QARS1: variants seen among roughly 807,000 people sequenced by gnomAD.
The protein encoded by QARS1 is glutamine--tRNA ligase.
Under a neutral mutation model 106.9 loss-of-function variants are expected in QARS1, and 79 were observed. The ratio of observed to expected loss-of-function variants is 0.74; its 90% CI spans 0.62 to 0.89. The LOEUF (loss-of-function observed/expected upper bound fraction) is 0.89. QARS1 is among the 40% of genes least tolerant of loss of function. The pLI is 0.00. For synonymous variants in QARS1, 395 were observed against 367.7 expected (o/e 1.07, Z -0.85); for missense variants, 966 against 997.2 (o/e 0.97, Z 0.42).
chr3:49,102,752 C>CTACCTCAGCCCTTCTGAG (rs368585761), intron 5 of QARS1: 1 of 502,464 alleles, frequency 2.0e-6, no homozygotes. Flanking sequence ...AGCGATTTTC[C>CTACCTCAGCCCTTCTGAG]TACCTCAGCC....
At chr3:49,096,569 G>C (rs1403506174) in intron 23 of QARS1, among the ~76,000 whole-genome samples, 1 of 151,738 alleles carries the variant, frequency 6.6e-6, no homozygotes, top group Admixed American at 6.6e-5. Flanking sequence ...GGAGGCCGAG[G>C]CAGGCGGATC....
rs1553751939 is a variant in QARS1, at chr3:49,100,184, C to G, written c.1164+6G>C. On this transcript the variant is annotated splice_donor_region_variant and intron_variant, in intron 13 of 23. Coordinates refer to ENST00000306125, the MANE Select transcript of QARS1 (RefSeq NM_005051.3). ...CCCAAACCCAGATGCTCCTCTAGGACCCCACCTCAAAGAGCAGCAGTGACT... is the reference window on the plus strand; with the variant it reads ...CCCAAACCCAGATGCTCCTCTAGGAGCCCACCTCAAAGAGCAGCAGTGACT... 2 of 1,614,074 alleles carry G rather than the reference C, an allele frequency of 1.2e-6. No homozygotes were observed.
At chr3:49,098,538 G>A in intron 20 of QARS1, 58 bp from the exon 21 acceptor site, 4 of 1,612,182 alleles carry the variant, frequency 2.5e-6, no homozygotes, top group Non-Finnish European at 3.4e-6. Context: ...CAGGACTGCA[G>A]GCTATACTCA....
In QARS1 at chr3:49,096,030, C is replaced by G. The variant is rs765329131; in HGVS notation, c.2327G>C (p.Ter776SerextTer25). The change falls in exon 24 of 24, where the codon TGA (stop) becomes TCA (serine). Residue 776 changes from the stop codon to serine (S), a stop_lost. Transcript: ENST00000306125. ...VTLKEDPGKV[*>S] Reference sequence around the variant, plus strand: ...TGAGGTAGGTTCAGTGCTTCCAGCTCACACCTTTCCTGGGTCTTCCTTCAG... The same window carrying G: ...TGAGGTAGGTTCAGTGCTTCCAGCTGACACCTTTCCTGGGTCTTCCTTCAG... The G allele has an allele frequency of 1.2e-6, 2 of 1,613,832 alleles. No homozygotes were observed. Among genetic ancestry groups the G allele is most frequent in the South Asian group, 2.2e-5 (2 of 90,974 alleles).
At position 49,100,198 on chromosome 3, in the gene QARS1, G is replaced by A. The variant is rs1291156079; in HGVS notation, c.1156C>T (p.Leu386Phe). ...CTCCTCTAGGACCCCACCTCAAAGA[G>A]CAGCAGTGACTCCTCCATGGGACGG... Reference protein sequence around the residue: ...RDRPMEESLLLFEAMRKGKFS... With the variant: ...RDRPMEESLLFFEAMRKGKFS... The change falls in exon 13 of 24, where the codon CTC becomes TTC. Residue 386 changes from leucine to phenylalanine, a missense_variant. Physicochemically the swap from Leu to Phe is conservative, Grantham distance 22. Transcript: ENST00000306125. 1 of 1,614,236 alleles carries A rather than the reference G, an allele frequency of 6.2e-7. No homozygotes were observed. Among genetic ancestry groups the A allele is most frequent in the South Asian group, 1.1e-5 (1 of 91,090 alleles).
At chr3:49,097,282 C>T (rs2042404789) in intron 23 of QARS1, 2 of 152,034 alleles carry the variant, frequency 1.3e-5, no homozygotes, top group Admixed American at 1.3e-4. Context: ...GAGTAAGACC[C>T]CGTCTCTAAA....
rs368358627 is a variant in QARS1, at chr3:49,099,650, G to T, written c.1389-3C>A. The T allele has an allele frequency of 1.2e-6, 2 of 1,613,118 alleles. No individual in the cohort carries two copies. Among genetic ancestry groups the T allele is most frequent in the Non-Finnish European group, 1.7e-6 (2 of 1,179,756 alleles). ...AAAGCCAGAAGTAGGAAGAGCGTCT[G>T]GGGTGGGAGAGTAGGGTTAGCACTG... is the stretch of plus-strand genomic sequence containing the variant. On this transcript the variant is annotated splice_region_variant and splice_polypyrimidine_tract_variant and intron_variant, in intron 15 of 23. Transcript: ENST00000306125.
rs535600702 is a variant in QARS1 at position 49,102,555 on chromosome 3, C to T, written c.517-83G>A. On this transcript the variant is annotated intron_variant, in intron 5 of 23. Transcript: ENST00000306125. Reference sequence around the variant, plus strand: ...ACTGATCCTACCCACCAACCCAAGGCTTCCTGGCCTATCTACCAGCACTGA... The same window carrying T: ...ACTGATCCTACCCACCAACCCAAGGTTTCCTGGCCTATCTACCAGCACTGA... The T allele has an allele frequency of 6.7e-6, 10 of 1,484,638 alleles. No homozygotes were observed. In the East Asian group the frequency reaches 2.1e-4, roughly 31 times the overall value. 92.0% of individuals were successfully genotyped at this position (1,484,638 alleles called of 1,614,324 possible).
chr3:49,099,476 AT>A (rs2042437502), intron 16 of QARS1, 33 bp downstream of exon 16: 1 of 1,614,040 alleles, frequency 6.2e-7, no homozygotes, highest in Non-Finnish European at 8.5e-7. Context: ...AGCATATGCC[AT>A]TAACCTTTCA....
chr3:49,101,905 G>A lies in QARS1; in HGVS notation c.632-6C>T. 1 of 1,607,100 alleles carries A rather than the reference G, an allele frequency of 6.2e-7. No homozygotes were observed. The highest frequency in any genetic ancestry group is 8.5e-7 in the Non-Finnish European group (1 of 1,176,754). ...GGTCTGGTCAGCAGTCTCGCCTGTG[G>A]GGAACAAAACAAGGAAAACTTGTCC... is the stretch of plus-strand genomic sequence containing the variant. On this transcript the variant is annotated splice_polypyrimidine_tract_variant and splice_region_variant and intron_variant, in intron 7 of 23. Transcript: ENST00000306125.
In QARS1 at chr3:49,099,201, C is replaced by G. The variant is rs879232053; in HGVS notation, c.1667G>C (p.Cys556Ser). Residue 556 changes from cysteine (C) to serine (S), a missense_variant, in exon 18 of 24, where the codon TGT becomes TCT. Coordinates refer to ENST00000306125, the MANE Select transcript of QARS1 (RefSeq NM_005051.3). The stretch of plus-strand genomic sequence containing the variant: ...TGTGTCATTCAGCACATCACGCACA[C>G]AGGCTTCTAGAAGATGTGGCTCCAT... ...TTMEPHLLEA[C>S]VRDVLNDTAP... 1.2e-6 allele frequency: 2 copies of G among 1,614,192 alleles called. No homozygotes were observed.
Position 49,104,612 on chromosome 3 carries a change from C to T in QARS1, c.117+5G>A, listed in dbSNP as rs151099269. The T allele has an allele frequency of 1.0e-4, 162 of 1,599,828 alleles. No individual in the cohort carries two copies. The African/African-American group carries it at 1.7e-3, about 17-fold the overall frequency. On this transcript the variant is annotated splice_donor_5th_base_variant and intron_variant, in intron 1 of 23. Transcript: ENST00000306125. Reference sequence around the variant, plus strand: ...AAACCAGGCCGGGGGCAGAGGGGCTCGCACCTGAGTAGCGGCCTCGCGCAG... The same window carrying T: ...AAACCAGGCCGGGGGCAGAGGGGCTTGCACCTGAGTAGCGGCCTCGCGCAG...
In QARS1 at chr3:49,100,421, A is replaced by G. The variant is rs138685078; in HGVS notation, c.1014T>C (p.Tyr338=). ...CAGCCCACGCATATAGCTGGTCAAA[A>G]TAGTCAGACGCATATGTGACTTTGT... ...TPYKVTYASD[Y]FDQLYAWAVE... is the part of the protein sequence containing the mutation. The change falls in exon 12 of 24, where the codon TAT becomes TAC. Residue 338 remains tyrosine (Y), a synonymous_variant. Transcript: ENST00000306125. The G allele has an allele frequency of 5.5e-4, 880 of 1,614,256 alleles. 6 individuals are homozygous for G. In the African/African-American group the frequency reaches 0.01, roughly 19 times the overall value.
At chr3:49,100,922 A>G (rs1175789167) in intron 10 of QARS1, among the ~76,000 whole-genome samples, 2 of 152,140 alleles carry the variant, frequency 1.3e-5, no homozygotes, top group East Asian at 1.9e-4. Flanking sequence ...TTGTATTTTT[A>G]GTAGAGATGG....
At chr3:49,101,082 C>T (rs1265128905) in intron 10 of QARS1, among the ~76,000 whole-genome samples, 1 of 152,238 alleles carries the variant, frequency 6.6e-6, no homozygotes, top group African/African-American at 2.4e-5. Flanking sequence ...CTTCTCTCAC[C>T]TTCCTGTATC....
intron 3 of QARS1, 53 bp from the exon 4 acceptor site, chr3:49,103,759 G>A: frequency 8.1e-6 from 13 of 1,604,234 alleles, no homozygotes; most frequent in African/African-American, 1.3e-5. Context: ...GAGATATTCT[G>A]GGAACCCACA....
intron 22 of QARS1, 34 bp downstream of exon 22, chr3:49,098,158 C>A (rs760108058): frequency 6.2e-7 from 1 of 1,613,574 alleles, no homozygotes; most frequent in South Asian, 1.1e-5. Context: ...ACCAGGGAGG[C>A]CTACCTCCCT....
Position 49,098,710 on chromosome 3 carries a change from G to T in QARS1, c.1864-18C>A. 1 of 1,574,354 alleles carries T rather than the reference G, an allele frequency of 6.4e-7. No homozygotes were observed. Among genetic ancestry groups the T allele is most frequent in the South Asian group, 1.2e-5 (1 of 86,440 alleles). ...TCTGGCTCCTAGAGATAGGAAGTGG[G>T]GTAGACACATGAGGCTGCAAGGGTC... On this transcript the variant is annotated intron_variant, in intron 19 of 23. Transcript: ENST00000306125.
intron 10 of QARS1, among the ~76,000 whole-genome samples, chr3:49,100,994 A>G (rs1016475102): frequency 1.5e-4 from 23 of 152,160 alleles, no homozygotes; most frequent in Non-Finnish European, 2.6e-4. Flanking sequence ...CACCCACTTT[A>G]GCCTCCCGAA....
Sources: allele counts gnomAD v4.1 joint callset (sites outside exome capture counted in the v4.1 genomes callset), GRCh38; gene constraint gnomAD v4.1.1; transcripts MANE v1.5; gene names NCBI Gene and HGNC (gene_info 2026-07-23, HGNC 2026-07-21).